The following MICAL2 variants were observed in gnomAD, a reference collection of about 807,000 sequenced individuals.
The protein encoded by MICAL2 is [F-actin]-monooxygenase MICAL2.
MICAL2 carries 77 observed loss-of-function variants against 127.3 expected under a neutral mutation model. The observed-to-expected ratio is 0.60, with a 90% CI of 0.50 to 0.73. The LOEUF is 0.73. Ranked by LOEUF, MICAL2 falls within the 30% of genes least tolerant of loss-of-function variation. The pLI is 0.00. For synonymous variants in MICAL2, 570 were observed against 551.1 expected, an observed-to-expected ratio of 1.03 and a Z score of -0.48; for missense variants, 1,351 against 1,434.4, an observed-to-expected ratio of 0.94 and a Z score of 0.94.
intron 16 of MICAL2, among the ~76,000 whole-genome samples, chr11:12,237,076 G>A (rs532341416): frequency 2.0e-5 from 3 of 152,222 alleles, no homozygotes; most frequent in East Asian, 1.9e-4. Flanking sequence ...ATGGTTGTTC[G>A]TGTCTGACTT....
exon 35 of MICAL2, chr11:12,358,323 C>A: frequency 6.2e-7 from 1 of 1,612,772 alleles, no homozygotes. Flanking sequence ...AGGATCTAAA[C>A]GAAGAGCAAG....
At chr11:12,204,926 C>T (rs1172865915) in intron 4 of MICAL2, among the ~76,000 whole-genome samples, 7 of 152,176 alleles carry the variant, frequency 4.6e-5, no homozygotes, top group African/African-American at 1.7e-4. Context: ...GCCAGATAGT[C>T]AAGACCTTCC....
chr11:12,131,755 G>T (rs1851435620), intron 1 of MICAL2, among the ~76,000 whole-genome samples: 2 of 152,224 alleles, frequency 1.3e-5, no homozygotes, highest in Non-Finnish European at 1.5e-5. Context: ...TCCTAGCTCT[G>T]TTTTTTATGA....
intron 3 of MICAL2, among the ~76,000 whole-genome samples, chr11:12,199,416 C>A (rs988721794): frequency 2.6e-5 from 4 of 152,182 alleles, no homozygotes; most frequent in African/African-American, 9.7e-5. Flanking sequence ...CTGCACTCGA[C>A]CTCGCTGCAG....
chr11:12,345,532 A>G (rs1938940664), intron 32 of MICAL2, among the ~76,000 whole-genome samples: 1 of 152,186 alleles, frequency 6.6e-6, no homozygotes, highest in Non-Finnish European at 1.5e-5. Flanking sequence ...TTCTGCAGAA[A>G]TCTCAGGAGA....
At chr11:12,161,407 A>G (rs1854772536) in intron 2 of MICAL2, 1 of 152,244 alleles carries the variant, frequency 6.6e-6, no homozygotes, top group African/African-American at 2.4e-5. Context: ...GAGGAGGTCC[A>G]CGTGTCTCTG....
chr11:12,323,041 G>A (rs574460764), intron 30 of MICAL2, among the ~76,000 whole-genome samples: 2 of 152,138 alleles, frequency 1.3e-5, no homozygotes, highest in Non-Finnish European at 2.9e-5. Flanking sequence ...AGCTTTGCCT[G>A]TCTTGTGGGC....
downstream of MICAL2, among the ~76,000 whole-genome samples, chr11:12,267,437 C>A (rs926286779): frequency 6.6e-6 from 1 of 152,096 alleles, no homozygotes; most frequent in Non-Finnish European, 1.5e-5. Flanking sequence ...TGACCTCACA[C>A]GAAATCCATT....
chr11:12,118,470 T>G, intron 1 of MICAL2, among the ~76,000 whole-genome samples: 1 of 152,184 alleles, frequency 6.6e-6, no homozygotes, highest in East Asian at 1.9e-4. Flanking sequence ...GCAACCAGGA[T>G]GTAAAGAGAC....
intron 32 of MICAL2, among the ~76,000 whole-genome samples, chr11:12,335,140 C>A (rs1348618122): frequency 6.9e-6 from 1 of 145,960 alleles, no homozygotes; most frequent in Admixed American, 6.9e-5. Flanking sequence ...TTAATGATTG[C>A]CGTTCTAACT....
In MICAL2 at chr11:12,220,295, A is replaced by G. The variant is rs746710872; in HGVS notation, c.1043A>G (p.Asn348Ser). 1 of 1,614,198 alleles carries G rather than the reference A, an allele frequency of 6.2e-7. No individual in the cohort carries two copies. The highest frequency in any genetic ancestry group is 8.5e-7 in the Non-Finnish European group (1 of 1,180,022). Reference sequence around the variant, plus strand: ...CGGGAAGCTGCAGACTTTGCCACCAACTACCAGCTGCCATCCTTAGACTTT... The same window carrying G: ...CGGGAAGCTGCAGACTTTGCCACCAGCTACCAGCTGCCATCCTTAGACTTT... ...YAREAADFAT[N>S]YQLPSLDFAM... The change falls in exon 9 of 28, where the codon AAC becomes AGC. Residue 348 changes from asparagine (N) to serine (S), a missense_variant. Asn to Ser is a conservative substitution (Grantham distance 46). Around this residue, in one of 2 missense-constraint regions of MICAL2, gnomAD observed 599 missense variants for 714.9 expected, o/e 0.84. Transcript: ENST00000683283.
chr11:12,320,116 T>G (rs1198562936), intron 30 of MICAL2, among the ~76,000 whole-genome samples: 1 of 152,110 alleles, frequency 6.6e-6, no homozygotes. Context: ...AAGCAAACCA[T>G]CGAAAACATT....
At position 12,234,630 on chromosome 11, in the gene MICAL2, C is replaced by G. The variant is rs555960118; in HGVS notation, c.1996-1547C>G. Among the ~76,000 whole-genome samples the G allele has an allele frequency of 3.9e-5, 6 of 152,286 alleles. No individual in the cohort carries two copies. The East Asian group carries it at 1.2e-3, about 29-fold the overall frequency. ...GTGCTGCCTGGGGCAAATTTTTGAACAAATATCAATGGACTAAACTGTGGT... is the reference window on the plus strand; with the variant it reads ...GTGCTGCCTGGGGCAAATTTTTGAAGAAATATCAATGGACTAAACTGTGGT... On this transcript the variant is annotated intron_variant, in intron 15 of 27. Transcript: ENST00000683283.
At chr11:12,147,274 T>C (rs897911159) in intron 2 of MICAL2, among the ~76,000 whole-genome samples, 1 of 152,122 alleles carries the variant, frequency 6.6e-6, no homozygotes, top group African/African-American at 2.4e-5. Context: ...CTAAAGGTGC[T>C]ACCATGGAAG....
chr11:12,344,921 C>T (rs1403732218), intron 32 of MICAL2, among the ~76,000 whole-genome samples: 1 of 148,864 alleles, frequency 6.7e-6, no homozygotes, highest in East Asian at 2.0e-4. Context: ...TCATGGCTAA[C>T]ACGGTGAAAC....
chr11:12,308,715 C>T (rs115115276), intron 29 of MICAL2, among the ~76,000 whole-genome samples: 52 of 152,302 alleles, frequency 3.4e-4, no homozygotes, highest in African/African-American at 1.2e-3. Context: ...AGTTTGTATA[C>T]CTTTTTTTCC....
intron 29 of MICAL2, among the ~76,000 whole-genome samples, chr11:12,305,816 G>A (rs185455943): frequency 1.5e-3 from 235 of 152,284 alleles, no homozygotes; most frequent in African/African-American, 5.4e-3. Flanking sequence ...TTTTCTAGTT[G>A]TAGAGACCTT....
intron 29 of MICAL2, chr11:12,319,600 A>AAT: frequency 1.2e-6 from 1 of 861,938 alleles, no homozygotes; most frequent in East Asian, 2.5e-5. Context: ...GGAGGAAGGG[A>AAT]ATGAGAGTAA....
At chr11:12,309,062 A>G (rs1864144203) in intron 29 of MICAL2, among the ~76,000 whole-genome samples, 1 of 152,156 alleles carries the variant, frequency 6.6e-6, no homozygotes, top group South Asian at 2.1e-4. Flanking sequence ...TACTTGATAA[A>G]TCATAGTTTT....
Sources: allele counts gnomAD v4.1 joint callset (sites outside exome capture counted in the v4.1 genomes callset), GRCh38; gene constraint gnomAD v4.1.1; regional missense constraint gnomAD v4.1.1; transcripts MANE v1.5; gene names NCBI Gene and HGNC (gene_info 2026-07-23, HGNC 2026-07-21).